The following NEK11 variants were observed in gnomAD, a reference collection of about 807,000 sequenced individuals.
NEK11 encodes the protein NIMA related kinase 11.
In NEK11, 72 loss-of-function variants were observed where a neutral mutation model predicts 80.7. The ratio of observed to expected loss-of-function variants is 0.89; its 90% CI spans 0.74 to 1.08. The LOEUF is 1.08. NEK11 is among the 50% of genes least tolerant of loss of function. The pLI is 0.00. For missense variants in NEK11, 764 were observed against 763.6 expected (o/e 1.00, Z -0.01); for synonymous variants, 251 against 260.7 (o/e 0.96, Z 0.36).
chr3:131,035,269 T>C (rs1273586231), intron 3 of NEK11, among the ~76,000 whole-genome samples: 1 of 152,052 alleles, frequency 6.6e-6, no homozygotes, highest in Non-Finnish European at 1.5e-5. Context: ...AAATGGAAGA[T>C]AGGGGGCCAA....
In NEK11 at chr3:131,287,434, T is replaced by C. The variant is rs1011005971; in HGVS notation, c.1718+13860T>C. On this transcript the variant is annotated intron_variant, in intron 17 of 17. Coordinates refer to ENST00000383366, the MANE Select transcript of NEK11 (RefSeq NM_024800.5). Reference sequence around the variant, plus strand: ...GATTACAGGCATGCGCCACCACGCCTGGCTAATTTTTACATTTTTAGTAGA... The same window carrying C: ...GATTACAGGCATGCGCCACCACGCCCGGCTAATTTTTACATTTTTAGTAGA... 5.3e-5 allele frequency among the ~76,000 whole-genome samples: 8 copies of C among 152,186 alleles called. No homozygotes were observed. The South Asian group carries it at 6.2e-4, about 12-fold the overall frequency.
rs541082718 is a variant in NEK11 at position 131,168,648 on chromosome 3, G to T, written c.1177-182G>T. Among the ~76,000 whole-genome samples, 12 of 152,194 alleles carry T rather than the reference G, an allele frequency of 7.9e-5. 1 individual carries two copies. The East Asian group carries it at 2.3e-3, about 30-fold the overall frequency. On this transcript the variant is annotated intron_variant, in intron 12 of 17. Coordinates refer to ENST00000383366, the MANE Select transcript of NEK11 (RefSeq NM_024800.5). ...TGGGATTACAGGCGTGAGCCACCGC[G>T]CCCGGCCGACGTTGCATTTCTTATA...
intron 5 of NEK11, among the ~76,000 whole-genome samples, chr3:131,119,678 G>A (rs1326276466): frequency 6.6e-6 from 1 of 152,150 alleles, no homozygotes; most frequent in Non-Finnish European, 1.5e-5. Flanking sequence ...TATATATTTA[G>A]GATAGTTAGC....
At chr3:131,181,393 A>T (rs889396424) in intron 14 of NEK11, among the ~76,000 whole-genome samples, 1 of 152,252 alleles carries the variant, frequency 6.6e-6, no homozygotes, top group African/African-American at 2.4e-5. Flanking sequence ...CACCCTGCCA[A>T]CAAGTGTATC....
At chr3:131,161,204 G>A (rs2149928692) in intron 10 of NEK11, among the ~76,000 whole-genome samples, 1 of 151,512 alleles carries the variant, frequency 6.6e-6, no homozygotes, top group South Asian at 2.1e-4. Context: ...TGAGGTTGCA[G>A]AGAAAAAGGA....
At chr3:131,093,683 G>A (rs1226273178) in intron 4 of NEK11, among the ~76,000 whole-genome samples, 1 of 152,088 alleles carries the variant, frequency 6.6e-6, no homozygotes, top group Non-Finnish European at 1.5e-5. Flanking sequence ...TGGGATTACA[G>A]GCGTGAGCCA....
intron 9 of NEK11, 84 bp from the exon 10 acceptor site, chr3:131,154,952 A>G: frequency 8.5e-6 from 7 of 826,594 alleles, no homozygotes; most frequent in Non-Finnish European, 1.2e-5. Context: ...AGCACCCCAA[A>G]TCTGAAAAGA....
chr3:131,215,422 CAAA>C (rs1206353314), intron 14 of NEK11, among the ~76,000 whole-genome samples: 1 of 150,986 alleles, frequency 6.6e-6, no homozygotes, highest in Non-Finnish European at 1.5e-5. Context: ...TAAAGTATAA[CAAA>C]AAAATATATA....
chr3:131,235,433 C>A (rs2095414529), intron 15 of NEK11, among the ~76,000 whole-genome samples: 1 of 152,158 alleles, frequency 6.6e-6, no homozygotes, highest in Non-Finnish European at 1.5e-5. Context: ...TCCCATCCAA[C>A]TGTTTTGTGA....
chr3:131,248,360 TA>T (rs2095640325), intron 16 of NEK11, among the ~76,000 whole-genome samples: 3 of 152,136 alleles, frequency 2.0e-5, no homozygotes, highest in African/African-American at 7.2e-5. Flanking sequence ...ATATGGTTCT[TA>T]AAAAATTTAT....
Position 131,068,811 on chromosome 3 carries a change from A to G in NEK11, c.171-11612A>G, listed in dbSNP as rs145648550. 2.2e-3 allele frequency among the ~76,000 whole-genome samples: 334 copies of G among 152,304 alleles called. 3 individuals carry two copies. The highest frequency in any genetic ancestry group is 7.7e-4 in the East Asian group (4 of 5,190). On this transcript the variant is annotated intron_variant, in intron 3 of 17. Coordinates refer to ENST00000383366, the MANE Select transcript of NEK11 (RefSeq NM_024800.5). ...TGACTTTTTAGGTGCACAAAAATAG[A>G]CTTTTATTTGGGTATAAGCACAACT...
intron 16 of NEK11, among the ~76,000 whole-genome samples, chr3:131,257,829 C>A (rs1448414766): frequency 6.6e-6 from 1 of 152,028 alleles, no homozygotes; most frequent in Non-Finnish European, 1.5e-5. Flanking sequence ...TGGGTATCTA[C>A]CCAAAGGAAA....
intron 13 of NEK11, among the ~76,000 whole-genome samples, chr3:131,170,187 A>G (rs2092588681): frequency 6.6e-6 from 1 of 152,250 alleles, no homozygotes; most frequent in South Asian, 2.1e-4. Flanking sequence ...ATACACACAC[A>G]CACACAAAAC....
intron 3 of NEK11, chr3:131,053,676 T>G (rs1383919098): frequency 6.6e-6 from 1 of 152,234 alleles, no homozygotes; most frequent in Non-Finnish European, 1.5e-5. Flanking sequence ...AACTGACATT[T>G]GGGCTGAAAA....
At chr3:131,171,479 G>A (rs2092688559) in intron 14 of NEK11, among the ~76,000 whole-genome samples, 1 of 152,148 alleles carries the variant, frequency 6.6e-6, no homozygotes. Context: ...TCCAAATGGA[G>A]CAGATACATG....
chr3:131,129,257 C>T lies in NEK11; in HGVS notation c.456-3488C>T, dbSNP rs547693436. The stretch of plus-strand genomic sequence containing the variant: ...TTTTAGTAGAGATGGGGTTTCACCA[C>T]GTTAGCCAGGATGGTCTCGATCTCC... On this transcript the variant is annotated intron_variant, in intron 5 of 17. Transcript: ENST00000383366. Among the ~76,000 whole-genome samples, 22 of 151,994 alleles carry T rather than the reference C, an allele frequency of 1.4e-4. No individual in the cohort carries two copies. The South Asian group carries it at 1.9e-3, about 13-fold the overall frequency.
intron 14 of NEK11, among the ~76,000 whole-genome samples, chr3:131,187,184 A>C (rs1560861719): frequency 6.6e-6 from 1 of 152,186 alleles, no homozygotes; most frequent in African/African-American, 2.4e-5. Context: ...TTAAAGTTAA[A>C]TACAATTAAA....
At chr3:131,242,982 A>G (rs993793298) in intron 15 of NEK11, among the ~76,000 whole-genome samples, 5 of 152,174 alleles carry the variant, frequency 3.3e-5, no homozygotes, top group African/African-American at 1.2e-4. Flanking sequence ...TACATTTCCA[A>G]AGAAGAGCTA....
intron 3 of NEK11, among the ~76,000 whole-genome samples, chr3:131,042,931 T>A (rs576390159): frequency 6.6e-6 from 1 of 152,286 alleles, no homozygotes; most frequent in Non-Finnish European, 1.5e-5. Flanking sequence ...CAGCAATCTT[T>A]GCTGTTCTGC....
Sources: gnomAD v4.1 joint callset for allele counts (sites outside exome capture counted in the v4.1 genomes callset) on GRCh38, gnomAD v4.1.1 for gene constraint, MANE v1.5 for transcripts, NCBI Gene and HGNC (gene_info 2026-07-23, HGNC 2026-07-21) for gene names.